Variants in SLC35E3 observed in about 807,000 individuals in gnomAD.
The protein encoded by SLC35E3 is bladder cancer-overexpressed gene 1 protein.
In SLC35E3, 28 loss-of-function variants were observed where a neutral mutation model predicts 30.8. The observed-to-expected ratio is 0.91, with a 90% CI of 0.67 to 1.25. SLC35E3 has a LOEUF of 1.25. Among genes scored for constraint, SLC35E3 ranks in the 50% most tolerant of loss-of-function variants. SLC35E3 has a pLI of 0.00. For missense variants in SLC35E3, 365 were observed against 375.4 expected, an observed-to-expected ratio of 0.97 and a Z score of 0.23; for synonymous variants, 146 against 149.2, an observed-to-expected ratio of 0.98 and a Z score of 0.16.
At chr12:68,763,476 G>A (rs531421727) in intron 4 of SLC35E3, among the ~76,000 whole-genome samples, 53 of 150,384 alleles carry the variant, frequency 3.5e-4, no homozygotes, top group Non-Finnish European at 6.4e-4. Context: ...TGCAACCTCC[G>A]CCTCCCAGGT....
intron 3 of SLC35E3, among the ~76,000 whole-genome samples, chr12:68,754,399 T>C (rs1878925163): frequency 6.6e-6 from 1 of 152,144 alleles, no homozygotes; most frequent in Admixed American, 6.5e-5. Context: ...TTCTTGTGCC[T>C]CAGCCTCCCG....
chr12:68,751,611 A>G (rs1377791917), intron 2 of SLC35E3, among the ~76,000 whole-genome samples: 1 of 151,944 alleles, frequency 6.6e-6, no homozygotes, highest in African/African-American at 2.4e-5. Flanking sequence ...TCCATTTTTT[A>G]AATTTTGCCA....
chr12:68,752,974 C>A (rs1202941816), intron 3 of SLC35E3, among the ~76,000 whole-genome samples: 1 of 152,050 alleles, frequency 6.6e-6, no homozygotes, highest in African/African-American at 2.4e-5. Flanking sequence ...GGCAAAACCC[C>A]GTCTCTACTA....
At chr12:68,764,236 T>A (rs1391790159) in intron 4 of SLC35E3, among the ~76,000 whole-genome samples, 1 of 152,216 alleles carries the variant, frequency 6.6e-6, no homozygotes, top group Non-Finnish European at 1.5e-5. Flanking sequence ...GTTGAGGCAG[T>A]CTTGTGTCTC....
intron 3 of SLC35E3, among the ~76,000 whole-genome samples, chr12:68,753,380 G>C (rs1227683204): frequency 6.6e-6 from 1 of 151,904 alleles, no homozygotes; most frequent in Non-Finnish European, 1.5e-5. Flanking sequence ...TTGAGCCCAG[G>C]AGGTCGAGGC....
Position 68,770,842 on chromosome 12 carries a change from C to T in SLC35E3, c.*5952C>T, listed in dbSNP as rs1029273729. ...GAGTGAGTCCCTGTCTCAACAACAACAAAAAATCACACATGTCTGATTTGC... is the reference window on the plus strand; with the variant it reads ...GAGTGAGTCCCTGTCTCAACAACAATAAAAAATCACACATGTCTGATTTGC... On this transcript the variant is annotated 3_prime_UTR_variant, in exon 5 of 5. Coordinates refer to ENST00000398004, the MANE Select transcript of SLC35E3 (RefSeq NM_018656.5). The T allele has an allele frequency of 1.9e-5, 3 of 154,336 alleles. No homozygotes were observed. Among genetic ancestry groups the T allele is most frequent in the Non-Finnish European group, 2.9e-5 (2 of 70,032 alleles). The allele number at this position is 154,336 out of a possible 1,614,324, so 9.6% of individuals were successfully genotyped here.
intron 2 of SLC35E3, among the ~76,000 whole-genome samples, chr12:68,748,449 G>A (rs1271842848): frequency 1.3e-5 from 2 of 151,924 alleles, no homozygotes; most frequent in African/African-American, 4.8e-5. Context: ...ATTTTTAGAT[G>A]TTTTTGCCTC....
At chr12:68,762,742 T>C (rs924518132) in intron 4 of SLC35E3, among the ~76,000 whole-genome samples, 1 of 152,220 alleles carries the variant, frequency 6.6e-6, no homozygotes, top group Non-Finnish European at 1.5e-5. Context: ...TAGCTCATAA[T>C]TGAAAATAAA....
rs1214999847 is a variant in SLC35E3, at chr12:68,766,854, G to T, written c.*1964G>T. 2 of 430,774 alleles carry T rather than the reference G, an allele frequency of 4.6e-6. No individual in the cohort carries two copies. Among genetic ancestry groups the T allele is most frequent in the Admixed American group, 2.5e-5 (1 of 39,748 alleles). 26.7% of individuals were successfully genotyped at this position (430,774 alleles called of 1,614,324 possible). A position where few individuals can be genotyped will look rare whatever the true frequency, so the allele number is the denominator to read the frequency against. On this transcript the variant is annotated 3_prime_UTR_variant, in exon 5 of 5. Transcript: ENST00000398004. ...TCTGCCTCAGCCTCTCGAAGTGCTG[G>T]GATTACAGGCCTGAGCCACCACACC...
At chr12:68,754,953 A>C (rs1304473477) in intron 3 of SLC35E3, among the ~76,000 whole-genome samples, 1 of 152,138 alleles carries the variant, frequency 6.6e-6, no homozygotes, top group Non-Finnish European at 1.5e-5. Context: ...ACTACAATGG[A>C]CTGGGTGGCT....
chr12:68,753,803 T>C (rs1410238346), intron 3 of SLC35E3, among the ~76,000 whole-genome samples: 2 of 46,172 alleles, frequency 4.3e-5, no homozygotes, highest in South Asian at 1.3e-3. Context: ...ATGCCGTATA[T>C]ATCCATACAC....
Position 68,770,161 on chromosome 12 carries a change from G to A in SLC35E3, c.*5271G>A, listed in dbSNP as rs895875984. 12 of 152,194 alleles carry A rather than the reference G, an allele frequency of 7.9e-5. No homozygotes were observed. Among genetic ancestry groups the A allele is most frequent in the Non-Finnish European group, 1.6e-4 (11 of 68,050 alleles). 9.4% of individuals were successfully genotyped at this position (152,194 alleles called of 1,614,324 possible). A position where few individuals can be genotyped will look rare whatever the true frequency, so the allele number is the denominator to read the frequency against. On this transcript the variant is annotated 3_prime_UTR_variant, in exon 5 of 5. Coordinates refer to ENST00000398004, the MANE Select transcript of SLC35E3 (RefSeq NM_018656.5). ...ACATACAAATGCCTAGTGGTTGGAGGAATTGTGATGCTTTTAAAGAACTGT... is the reference window on the plus strand; with the variant it reads ...ACATACAAATGCCTAGTGGTTGGAGAAATTGTGATGCTTTTAAAGAACTGT...
intron 2 of SLC35E3, among the ~76,000 whole-genome samples, chr12:68,751,302 T>TTTC (rs34157868): frequency 7.7e-5 from 11 of 142,622 alleles, no homozygotes; most frequent in Middle Eastern, 3.6e-3. Context: ...TCTGTCTTTG[T>TTTC]TTTTTTTTTT....
chr12:68,746,753 T>A lies in SLC35E3; in HGVS notation c.376T>A (p.Phe126Ile). The A allele has an allele frequency of 6.3e-7, 1 of 1,594,884 alleles. No individual in the cohort carries two copies. The highest frequency in any genetic ancestry group is 1.1e-5 in the South Asian group (1 of 89,688). The stretch of plus-strand genomic sequence containing the variant: ...CCAGACCTTCTGCTACCAGAAAACC[T>A]TCTCCACCAGAATCCAGCTCACGCT... ...AIQTFCYQKT[F>I]STRIQLTLIP... The change falls in exon 1 of 5, where the codon TTC (phenylalanine) becomes ATC (isoleucine). Residue 126 changes from phenylalanine to isoleucine, a missense_variant. Coordinates refer to ENST00000398004, the MANE Select transcript of SLC35E3 (RefSeq NM_018656.5).
At chr12:68,761,687 G>A (rs1348625955) in intron 4 of SLC35E3, among the ~76,000 whole-genome samples, 1 of 152,198 alleles carries the variant, frequency 6.6e-6, no homozygotes, top group South Asian at 2.1e-4. Flanking sequence ...GGAAACTCAG[G>A]AGACTGCTAC....
intron 3 of SLC35E3, among the ~76,000 whole-genome samples, chr12:68,756,884 T>A (rs184766786): frequency 3.3e-5 from 5 of 152,088 alleles, no homozygotes; most frequent in East Asian, 1.9e-4. Flanking sequence ...GCGTGGTGGC[T>A]GGTGCCTGTA....
intron 1 of SLC35E3, among the ~76,000 whole-genome samples, chr12:68,747,184 C>T (rs1340553755): frequency 6.6e-6 from 1 of 152,038 alleles, no homozygotes; most frequent in Non-Finnish European, 1.5e-5. Flanking sequence ...TCTGCAGCAC[C>T]ATACTTTAGA....
At chr12:68,750,501 C>T (rs1488782772) in intron 2 of SLC35E3, among the ~76,000 whole-genome samples, 1 of 152,176 alleles carries the variant, frequency 6.6e-6, no homozygotes, top group Non-Finnish European at 1.5e-5. Flanking sequence ...AGAGGGCTCG[C>T]AGGAAGGGCC....
chr12:68,762,776 C>T (rs1317206210), intron 4 of SLC35E3, among the ~76,000 whole-genome samples: 1 of 152,154 alleles, frequency 6.6e-6, no homozygotes, highest in Non-Finnish European at 1.5e-5. Context: ...TGCCAACAAC[C>T]TTGGGAAGAT....
Sources: allele counts gnomAD v4.1 joint callset (sites outside exome capture counted in the v4.1 genomes callset), GRCh38; gene constraint gnomAD v4.1.1; transcripts MANE v1.5; gene names NCBI Gene and HGNC (gene_info 2026-07-23, HGNC 2026-07-21).